The following RXFP1 variants were observed in gnomAD, a reference collection of about 807,000 sequenced individuals.
The protein encoded by RXFP1 is relaxin family peptide receptor 1, also known as relaxin receptor 1.
A neutral mutation model predicts 89.8 loss-of-function variants in RXFP1; 73 were observed. The ratio of observed to expected loss-of-function variants is 0.81; its 90% confidence interval spans 0.67 to 0.99. The LOEUF is 0.99. RXFP1 is among the 50% of genes least tolerant of loss of function. The probability of loss-of-function intolerance (pLI) is 0.00; values close to 1 mark genes in which losing one functional copy is unlikely to be tolerated. For missense variants in RXFP1, 793 were observed against 895.5 expected (o/e 0.89, Z 1.46); for synonymous variants, 277 against 305.5 (o/e 0.91, Z 0.97).
At position 158,601,103 on chromosome 4, in the gene RXFP1, T is replaced by TGG. The variant is rs1761600342; in HGVS notation, c.392+1672_392+1673insGG. ...GGGCATGCCCCACACAAAGGTTGAA[T>TGG]CATTGAATTAATTCCCATTCAATTT... On this transcript the variant is annotated intron_variant, in intron 4 of 17. Coordinates refer to ENST00000307765, the MANE Select transcript of RXFP1 (RefSeq NM_021634.4). 2.0e-5 allele frequency among the ~76,000 whole-genome samples: 3 copies of TGG among 151,880 alleles called. No individual in the cohort carries two copies. The South Asian group carries it at 6.2e-4, about 32-fold the overall frequency.
chr4:158,646,846 G>GT lies in RXFP1; in HGVS notation c.1404dup (p.Arg469SerfsTer6). On this transcript the variant is annotated frameshift_variant, in exon 16 of 18. Transcript: ENST00000307765. LOFTEE classifies it high-confidence loss of function. ...TCGTGATCGGAGGCTTTGACCTAAA[G>GT]TTTCGTGGAGAATACAATAAGCATG... The GT allele has an allele frequency of 6.2e-7, 1 of 1,614,104 alleles. No homozygotes were observed.
At chr4:158,564,292 G>A (rs1054665631) in intron 1 of RXFP1, among the ~76,000 whole-genome samples, 7 of 151,986 alleles carry the variant, frequency 4.6e-5, no homozygotes, top group African/African-American at 1.7e-4. Context: ...CAGGGGTGGG[G>A]GACATTTTTA....
intron 1 of RXFP1, among the ~76,000 whole-genome samples, chr4:158,557,323 T>A (rs1369561917): frequency 1.3e-5 from 2 of 152,196 alleles, no homozygotes; most frequent in African/African-American, 4.8e-5. Context: ...TAATTTAGGT[T>A]TGTATGTGTT....
rs1428662805 is a variant in RXFP1 at position 158,544,060 on chromosome 4, A to G, written c.49+22035A>G. 3.0e-6 allele frequency: 3 copies of G among 984,006 alleles called. No individual in the cohort carries two copies. The East Asian group carries it at 3.4e-4, about 112-fold the overall frequency. The allele number at this position is 984,006 out of a possible 1,614,324, so 61.0% of individuals were successfully genotyped here. ...CGGATCAATTCAGCTGTTTATTTCTAGAAATGTCTATAAAGAGAAGAACTA... is the reference window on the plus strand; with the variant it reads ...CGGATCAATTCAGCTGTTTATTTCTGGAAATGTCTATAAAGAGAAGAACTA... On this transcript the variant is annotated intron_variant, in intron 1 of 17. Coordinates refer to ENST00000307765, the MANE Select transcript of RXFP1 (RefSeq NM_021634.4).
chr4:158,635,468 G>A (rs1013935147), intron 12 of RXFP1, among the ~76,000 whole-genome samples: 4 of 152,110 alleles, frequency 2.6e-5, no homozygotes, highest in African/African-American at 9.7e-5. Context: ...TGTAAACAGA[G>A]ATCATTTTTT....
At chr4:158,562,642 T>A (rs1752737658) in intron 1 of RXFP1, among the ~76,000 whole-genome samples, 1 of 151,624 alleles carries the variant, frequency 6.6e-6, no homozygotes, top group Admixed American at 6.6e-5. Flanking sequence ...AGCCAACAAT[T>A]TTTTTTACCA....
chr4:158,551,350 T>C (rs1297568136), intron 1 of RXFP1, among the ~76,000 whole-genome samples: 1 of 152,152 alleles, frequency 6.6e-6, no homozygotes, highest in Non-Finnish European at 1.5e-5. Flanking sequence ...GTGAGGTTTC[T>C]TACACTTCTC....
chr4:158,623,523 A>AAAAAAAAAAAAATAAT (rs1766081148), intron 9 of RXFP1, among the ~76,000 whole-genome samples: 1 of 142,924 alleles, frequency 7.0e-6, no homozygotes, highest in Admixed American at 7.1e-5. Flanking sequence ...AAAAAAAAAA[A>AAAAAAAAAAAAATAAT]AAAGATAATC....
At chr4:158,632,036 G>A (rs1768140216) in intron 11 of RXFP1, among the ~76,000 whole-genome samples, 1 of 152,162 alleles carries the variant, frequency 6.6e-6, no homozygotes. Context: ...AGGTTGCAGT[G>A]AGCCGTTTGT....
chr4:158,651,622 G>T, intron 17 of RXFP1, 135 bp from the exon 18 acceptor site: 3 of 606,318 alleles, frequency 4.9e-6, no homozygotes. Flanking sequence ...TATAGACTTG[G>T]TATTTAATTA....
intron 2 of RXFP1, among the ~76,000 whole-genome samples, chr4:158,591,433 C>T (rs111725452): frequency 2.0e-5 from 3 of 152,108 alleles, no homozygotes; most frequent in Admixed American, 6.6e-5. Context: ...CCCTTGTCCA[C>T]GAAGTTACTG....
chr4:158,547,793 G>T (rs1748897161), intron 1 of RXFP1, among the ~76,000 whole-genome samples: 1 of 152,142 alleles, frequency 6.6e-6, no homozygotes, highest in South Asian at 2.1e-4. Flanking sequence ...GTTCTAGTTT[G>T]ATCGCACTGT....
chr4:158,599,884 C>T (rs1761354667), intron 4 of RXFP1, among the ~76,000 whole-genome samples: 1 of 152,052 alleles, frequency 6.6e-6, no homozygotes, highest in African/African-American at 2.4e-5. Flanking sequence ...GATATTCCTC[C>T]CAAAACGTCA....
chr4:158,534,016 T>C (rs1174124845), intron 1 of RXFP1, among the ~76,000 whole-genome samples: 2 of 152,132 alleles, frequency 1.3e-5, no homozygotes, highest in African/African-American at 2.4e-5. Context: ...TCTAAAACAA[T>C]AGAATGTGTA....
intron 10 of RXFP1, among the ~76,000 whole-genome samples, chr4:158,627,876 C>T (rs563699173): frequency 6.6e-6 from 1 of 152,102 alleles, no homozygotes; most frequent in Admixed American, 6.6e-5. Context: ...AATTTCTTTT[C>T]TATTGTACTT....
chr4:158,641,018 A>G (rs916161186), intron 14 of RXFP1, among the ~76,000 whole-genome samples: 1 of 152,226 alleles, frequency 6.6e-6, no homozygotes, highest in African/African-American at 2.4e-5. Flanking sequence ...GATCCATGCC[A>G]TGGAAATTAA....
intron 9 of RXFP1, among the ~76,000 whole-genome samples, chr4:158,617,802 G>A (rs957734729): frequency 1.3e-5 from 2 of 152,048 alleles, no homozygotes; most frequent in Non-Finnish European, 2.9e-5. Context: ...TCAACAAACT[G>A]CCATATGCTG....
intron 1 of RXFP1, among the ~76,000 whole-genome samples, chr4:158,542,415 A>G (rs1438985564): frequency 1.3e-5 from 2 of 152,110 alleles, no homozygotes; most frequent in Non-Finnish European, 2.9e-5. Context: ...ATACTTGTAT[A>G]TACCTACAGT....
chr4:158,568,190 A>G (rs1267243939), intron 1 of RXFP1, among the ~76,000 whole-genome samples: 1 of 152,228 alleles, frequency 6.6e-6, no homozygotes, highest in Non-Finnish European at 1.5e-5. Flanking sequence ...TCAGAACTCT[A>G]GACTCGCTGC....
Sources: gnomAD v4.1 joint callset for allele counts (sites outside exome capture counted in the v4.1 genomes callset) on GRCh38, gnomAD v4.1.1 for gene constraint, MANE v1.5 for transcripts, NCBI Gene and HGNC (gene_info 2026-07-23, HGNC 2026-07-21) for gene names.